JAK1: variants seen among roughly 807,000 people sequenced by gnomAD.
The protein encoded by JAK1 is tyrosine-protein kinase JAK1.
Under a neutral mutation model 136.6 loss-of-function variants are expected in JAK1, and 16 were observed. The observed-to-expected ratio is 0.12, with a 90% confidence interval of 0.08 to 0.18. JAK1 has a LOEUF of 0.18. JAK1 is among the 10% of genes least tolerant of loss of function. The pLI, the probability that JAK1 is intolerant of heterozygous loss-of-function variation, is 1.00. For synonymous variants in JAK1, 492 were observed against 519.5 expected (o/e 0.95, Z 0.72); for missense variants, 859 against 1,450.1 (o/e 0.59, Z 6.62).
chr1:64,931,168 T>C (rs1295088266), intron 1 of JAK1, among the ~76,000 whole-genome samples: 1 of 152,080 alleles, frequency 6.6e-6, no homozygotes, highest in Non-Finnish European at 1.5e-5. Flanking sequence ...AACTCTTTAG[T>C]ACACTGAGAT....
At chr1:64,851,457 G>A (rs982140600) in intron 11 of JAK1, among the ~76,000 whole-genome samples, 1 of 152,174 alleles carries the variant, frequency 6.6e-6, no homozygotes, top group Non-Finnish European at 1.5e-5. Context: ...GTGAACAAAC[G>A]CTGGTTTTGA....
At chr1:64,990,734 C>G (rs1473126476) in intron 2 of JAK1, 2 of 151,858 alleles carry the variant, frequency 1.3e-5, no homozygotes, top group Non-Finnish European at 2.9e-5. Context: ...TCAGCCTGGG[C>G]AACATGGTAA....
intron 2 of JAK1, chr1:64,985,912 G>T: frequency 1.3e-6 from 1 of 767,942 alleles, no homozygotes; most frequent in Non-Finnish European, 2.2e-6. Flanking sequence ...AAGCACCAAA[G>T]GGACAAGCAC....
Position 64,991,533 on chromosome 1 carries a change from A to G in JAK1, c.-78+52947T>C, listed in dbSNP as rs566472835. 1.7e-4 allele frequency: 26 copies of G among 152,380 alleles called. 1 individual carries two copies. The highest frequency in any genetic ancestry group is 3.2e-4 in the Non-Finnish European group (22 of 68,036). The allele number at this position is 152,380 out of a possible 1,614,324, so 9.4% of individuals were successfully genotyped here. A position where few individuals can be genotyped will look rare whatever the true frequency, so the allele number is the denominator to read the frequency against. On this transcript the variant is annotated intron_variant, in intron 2 of 25. Coordinates refer to the JAK1 transcript ENST00000671954. ...CAAACTAAATAATTACATGTATTTT[A>G]ATTTAATTAGTTTGATCACCAGGAA...
chr1:64,995,089 C>A (rs17127197), intron 2 of JAK1: 42 of 151,842 alleles, frequency 2.8e-4, no homozygotes, highest in Non-Finnish European at 5.7e-4. Flanking sequence ...AATTCTGGTG[C>A]TATAAAAAGG....
chr1:64,985,079 A>G lies in JAK1; in HGVS notation c.-78+59401T>C. On this transcript the variant is annotated intron_variant, in intron 2 of 25. Transcript: ENST00000671954. ...GGATGGAACAAAAAGCCATCCCTCC[A>G]AGGCCTATCATATGTAGAGTCCTTC... 3.3e-6 allele frequency: 3 copies of G among 919,946 alleles called. No individual in the cohort carries two copies. In the South Asian group the frequency reaches 3.9e-5, roughly 12 times the overall value. 57.0% of individuals were successfully genotyped at this position (919,946 alleles called of 1,614,324 possible). A position where few individuals can be genotyped will look rare whatever the true frequency, so the allele number is the denominator to read the frequency against.
At chr1:64,948,188 T>A (rs1034423016) in intron 1 of JAK1, among the ~76,000 whole-genome samples, 2 of 152,220 alleles carry the variant, frequency 1.3e-5, no homozygotes, top group African/African-American at 4.8e-5. Flanking sequence ...AGGCTTAAAT[T>A]TATTAAATCC....
intron 1 of JAK1, among the ~76,000 whole-genome samples, chr1:64,928,141 A>C (rs574965428): frequency 6.6e-6 from 1 of 152,318 alleles, no homozygotes; most frequent in East Asian, 1.9e-4. Flanking sequence ...AGTGCCCCTG[A>C]AACAGCCGCT....
intron 1 of JAK1, among the ~76,000 whole-genome samples, chr1:64,950,500 C>G (rs562303974): frequency 1.4e-4 from 22 of 152,142 alleles, no homozygotes; most frequent in African/African-American, 4.6e-4. Context: ...AAAGTTTTAT[C>G]ATTCTTAGGA....
chr1:65,000,863 TG>T (rs558668820), intron 2 of JAK1, among the ~76,000 whole-genome samples: 20 of 151,094 alleles, frequency 1.3e-4, no homozygotes, highest in East Asian at 1.2e-3. Context: ...TTTTTTTTGG[TG>T]GGGGGGCGGT....
At chr1:64,923,724 A>G (rs747175459) in intron 1 of JAK1, among the ~76,000 whole-genome samples, 12 of 152,124 alleles carry the variant, frequency 7.9e-5, no homozygotes, top group Non-Finnish European at 1.5e-4. Flanking sequence ...GCCATGACTT[A>G]AAACAAAATG....
At chr1:64,902,668 G>A (rs1193412752) in intron 1 of JAK1, among the ~76,000 whole-genome samples, 1 of 150,788 alleles carries the variant, frequency 6.6e-6, no homozygotes, top group Non-Finnish European at 1.5e-5. Context: ...GAAGAAGGGA[G>A]TTAAAGGATA....
intron 2 of JAK1, among the ~76,000 whole-genome samples, chr1:65,002,674 G>C (rs964109734): frequency 6.6e-6 from 1 of 152,234 alleles, no homozygotes; most frequent in African/African-American, 2.4e-5. Context: ...GTCACCATCC[G>C]AAAGTGCGAG....
intron 1 of JAK1, among the ~76,000 whole-genome samples, chr1:65,067,348 C>A (rs1648103172): frequency 6.7e-6 from 1 of 149,580 alleles, no homozygotes; most frequent in South Asian, 2.1e-4. Flanking sequence ...GCGTGTGCGC[C>A]GCGGCCAGCC....
At position 64,843,214 on chromosome 1, in the gene JAK1, C is replaced by G. The variant is rs188996020; in HGVS notation, c.2403+850G>C. ...CTTTCCCCACTCCAGACACTCAAGG[C>G]CAGGCACACCAAACTACCCAGGCTC... On this transcript the variant is annotated intron_variant, in intron 17 of 24. Coordinates refer to ENST00000342505, the MANE Select transcript of JAK1 (RefSeq NM_002227.4). 8.3e-4 allele frequency among the ~76,000 whole-genome samples: 126 copies of G among 152,276 alleles called. 1 individual carries two copies. Among genetic ancestry groups the G allele is most frequent in the African/African-American group, 3.0e-3 (126 of 41,548 alleles).
At chr1:64,981,910 A>G (rs77719645) in intron 2 of JAK1, among the ~76,000 whole-genome samples, 10 of 152,182 alleles carry the variant, frequency 6.6e-5, no homozygotes, top group African/African-American at 2.4e-4. Flanking sequence ...TAAGAAGAGC[A>G]CTTATCCACT....
chr1:64,917,309 T>A (rs1337281940), intron 1 of JAK1, among the ~76,000 whole-genome samples: 2 of 152,150 alleles, frequency 1.3e-5, no homozygotes, highest in African/African-American at 4.8e-5. Context: ...CAACGAAGTA[T>A]GAAGGAAGAA....
rs368204186 is a variant in JAK1 at position 64,867,217 on chromosome 1, C to G, written c.648-9G>C. ...GAATATATCGCTTGTAGCTAAAAGA[C>G]AGTAGAAAAGTACATCTCCTTTTCA... On this transcript the variant is annotated splice_polypyrimidine_tract_variant and intron_variant, in intron 6 of 24. Coordinates refer to ENST00000342505, the MANE Select transcript of JAK1 (RefSeq NM_002227.4). 10 of 1,572,406 alleles carry G rather than the reference C, an allele frequency of 6.4e-6. No individual in the cohort carries two copies. The African/African-American group carries it at 1.1e-4, about 17-fold the overall frequency.
chr1:65,059,972 T>C (rs887851002), intron 1 of JAK1, among the ~76,000 whole-genome samples: 2 of 152,128 alleles, frequency 1.3e-5, no homozygotes, highest in African/African-American at 4.8e-5. Context: ...AAAATGACCT[T>C]ATCTTCAGAA....
Sources: allele counts gnomAD v4.1 joint callset (sites outside exome capture counted in the v4.1 genomes callset), GRCh38; gene constraint gnomAD v4.1.1; transcripts MANE v1.5; gene names NCBI Gene and HGNC (gene_info 2026-07-23, HGNC 2026-07-21).